CFAP69: variants seen among roughly 807,000 people sequenced by gnomAD.
CFAP69 encodes the protein cilia- and flagella-associated protein 69.
Under a neutral mutation model 123.0 loss-of-function variants are expected in CFAP69, and 92 were observed. The observed-to-expected ratio is 0.75, with a 90% CI of 0.63 to 0.89. The LOEUF (loss-of-function observed/expected upper bound fraction) is 0.89, where lower values mean the gene tolerates loss of function less well. CFAP69 is among the 40% of genes least tolerant of loss of function. The pLI, the probability that CFAP69 is intolerant of heterozygous loss-of-function variation, is 0.00. For missense variants in CFAP69, 1,067 were observed against 1,096.9 expected (o/e 0.97, Z 0.39); for synonymous variants, 380 against 364.3 (o/e 1.04, Z -0.49).
At chr7:90,289,772 C>T (rs1348735842) in intron 15 of CFAP69, among the ~76,000 whole-genome samples, 2 of 152,168 alleles carry the variant, frequency 1.3e-5, no homozygotes, top group South Asian at 4.1e-4. Flanking sequence ...TTTAGACCTA[C>T]AATCTACCTG....
intron 16 of CFAP69, among the ~76,000 whole-genome samples, chr7:90,298,578 A>T (rs933900660): frequency 1.7e-4 from 26 of 152,178 alleles, no homozygotes; most frequent in Non-Finnish European, 3.4e-4. Context: ...AAAAGTGCTA[A>T]AATTATTTGT....
chr7:90,315,074 G>A (rs1794667588), downstream of CFAP69, among the ~76,000 whole-genome samples: 1 of 148,710 alleles, frequency 6.7e-6, no homozygotes, highest in Non-Finnish European at 1.5e-5. Flanking sequence ...ACACCAGTCA[G>A]AATGACTGTT....
chr7:90,250,912 C>T (rs1451933914), intron 1 of CFAP69, among the ~76,000 whole-genome samples: 1 of 152,108 alleles, frequency 6.6e-6, no homozygotes, highest in Non-Finnish European at 1.5e-5. Context: ...TTCCTTCTTT[C>T]TCCCACTGCG....
At chr7:90,253,928 G>A (rs1236431366) in intron 1 of CFAP69, among the ~76,000 whole-genome samples, 1 of 152,120 alleles carries the variant, frequency 6.6e-6, no homozygotes, top group Non-Finnish European at 1.5e-5. Flanking sequence ...GTGTCCTAAA[G>A]TGTTTCCCCA....
At chr7:90,275,590 C>CTTTTTTTT (rs57578763) in intron 9 of CFAP69, among the ~76,000 whole-genome samples, 10 of 62,072 alleles carry the variant, frequency 1.6e-4, no homozygotes, top group Admixed American at 2.8e-4. Context: ...GGCCAAAAGC[C>CTTTTTTTT]TTTTTTTTTT....
At chr7:90,255,611 A>T (rs1797557729) in intron 2 of CFAP69, 129 bp downstream of exon 2, 1 of 668,122 alleles carries the variant, frequency 1.5e-6, no homozygotes, top group African/African-American at 1.8e-5. Context: ...TAAATAGTAC[A>T]TATCTTATAT....
intron 4 of CFAP69, among the ~76,000 whole-genome samples, chr7:90,263,711 C>T (rs1798648019): frequency 6.6e-6 from 1 of 152,118 alleles, no homozygotes; most frequent in Non-Finnish European, 1.5e-5. Flanking sequence ...TCTTTAAATT[C>T]AAATTGGCCT....
chr7:90,259,647 A>T (rs532184496), intron 3 of CFAP69, among the ~76,000 whole-genome samples: 6 of 151,896 alleles, frequency 4.0e-5, no homozygotes, highest in Non-Finnish European at 8.8e-5. Context: ...TGCACCCACC[A>T]CACCCAGTTA....
intron 15 of CFAP69, among the ~76,000 whole-genome samples, chr7:90,289,563 A>ACT (rs1790810589): frequency 6.6e-6 from 1 of 151,890 alleles, no homozygotes; most frequent in South Asian, 2.1e-4. Context: ...ATATTCTGCC[A>ACT]CTCTGAGGCT....
chr7:90,274,228 A>C, intron 9 of CFAP69, 118 bp downstream of exon 9: 1 of 1,239,014 alleles, frequency 8.1e-7, no homozygotes, highest in Non-Finnish European at 1.1e-6. Context: ...GTTATGCTGT[A>C]ATATCTTGAT....
intron 16 of CFAP69, 84 bp downstream of exon 16, chr7:90,297,914 A>G (rs897806273): frequency 7.7e-5 from 68 of 882,146 alleles, no homozygotes; most frequent in Non-Finnish European, 1.1e-4. Flanking sequence ...ACAGAGCACA[A>G]GTCTATGAAT....
At chr7:90,245,773 G>T (rs1165494546) in intron 1 of CFAP69, among the ~76,000 whole-genome samples, 1 of 152,202 alleles carries the variant, frequency 6.6e-6, no homozygotes, top group Non-Finnish European at 1.5e-5. Context: ...GGGGACCAGC[G>T]CTGTGTGGTC....
rs767302961 is a variant in CFAP69, at chr7:90,261,956, G to A, written c.256G>A (p.Asp86Asn). ...QCYQNGLPLR[D>N]LAQIFKILNL... The stretch of plus-strand genomic sequence containing the variant: ...ACTAAAAATATTAAAGCCATTAAGG[G>A]ATTTAGCACAGATATTTAAAATTCT... Residue 86 changes from aspartate to asparagine, a missense_variant, in exon 4 of 23, where the codon GAT (aspartate) becomes AAT (asparagine). Asp to Asn is a conservative substitution (Grantham distance 23). Transcript: ENST00000389297. 2 of 1,559,054 alleles carry A rather than the reference G, an allele frequency of 1.3e-6. No individual in the cohort carries two copies. The highest frequency in any genetic ancestry group is 4.6e-5 in the East Asian group (2 of 43,830).
chr7:90,259,024 G>A (rs1185824032), intron 3 of CFAP69, among the ~76,000 whole-genome samples: 1 of 152,144 alleles, frequency 6.6e-6, no homozygotes, highest in Admixed American at 6.5e-5. Flanking sequence ...ACATCCAAGT[G>A]CTTGATAATC....
intron 15 of CFAP69, among the ~76,000 whole-genome samples, chr7:90,296,049 G>T (rs140183758): frequency 6.6e-6 from 1 of 152,084 alleles, no homozygotes; most frequent in African/African-American, 2.4e-5. Flanking sequence ...TGTCTCATCC[G>T]TTGACTTCGA....
chr7:90,307,180 C>A, intron 20 of CFAP69, 82 bp downstream of exon 20: 10 of 958,614 alleles, frequency 1.0e-5, no homozygotes, highest in Non-Finnish European at 1.6e-5. Context: ...AGAATAAGTT[C>A]TGTTGTTCAA....
chr7:90,319,322 T>C, the CFAP69 span: 1 of 398,556 alleles, frequency 2.5e-6, no homozygotes, highest in South Asian at 1.3e-4. Context: ...TAAAGAAAAG[T>C]AAACTGCTAT....
At position 90,254,335 on chromosome 7, in the gene CFAP69, C is replaced by T. The variant is rs534326236; in HGVS notation, c.121-1088C>T. On this transcript the variant is annotated intron_variant, in intron 1 of 22. Transcript: ENST00000389297. ...GGGTGCTCGCGGTCTACTACTTAAA[C>T]TTTGGATGATAGTACCCATTTCCTT... Among the ~76,000 whole-genome samples the T allele has an allele frequency of 1.1e-4, 16 of 152,242 alleles. No homozygotes were observed. The East Asian group carries it at 1.4e-3, about 13-fold the overall frequency.
intron 3 of CFAP69, among the ~76,000 whole-genome samples, chr7:90,258,778 A>G (rs1797954185): frequency 6.6e-6 from 1 of 152,182 alleles, no homozygotes; most frequent in Non-Finnish European, 1.5e-5. Flanking sequence ...GTTCTTTATA[A>G]GACTGTATTT....
Sources: gnomAD v4.1 joint callset for allele counts (sites outside exome capture counted in the v4.1 genomes callset) on GRCh38, gnomAD v4.1.1 for gene constraint, MANE v1.5 for transcripts, NCBI Gene and HGNC (gene_info 2026-07-23, HGNC 2026-07-21) for gene names.